The following NRXN1 variants were observed in gnomAD, a reference collection of about 807,000 sequenced individuals.
The protein encoded by NRXN1 is neurexin-1.
Under a neutral mutation model 150.9 loss-of-function variants are expected in NRXN1, and 39 were observed. That is an observed-to-expected ratio of 0.26 (90% CI 0.20 to 0.34). The LOEUF (loss-of-function observed/expected upper bound fraction) is 0.34. NRXN1 is among the 10% of genes least tolerant of loss of function. NRXN1 has a pLI of 1.00. For synonymous variants in NRXN1, 924 were observed against 757.0 expected, an observed-to-expected ratio of 1.22 and a Z score of -3.62; for missense variants, 1,815 against 1,949.9, an observed-to-expected ratio of 0.93 and a Z score of 1.30.
chr2:50,795,047 A>C (rs1255175944), intron 5 of NRXN1, among the ~76,000 whole-genome samples: 2 of 152,120 alleles, frequency 1.3e-5, no homozygotes, highest in Non-Finnish European at 2.9e-5. Context: ...ATCTCTGTGC[A>C]TTACTATCAA....
rs1670727655 is a variant in NRXN1, at chr2:51,027,570, G to A, written c.704C>T (p.Ser235Phe). 1 of 1,603,106 alleles carries A rather than the reference G, an allele frequency of 6.2e-7. No individual in the cohort carries two copies. The highest frequency in any genetic ancestry group is 8.5e-7 in the Non-Finnish European group (1 of 1,172,740). Reference sequence around the variant, plus strand: ...GCACACGGCCTGGTCGTCCACCACGGAGCACACACCTCCGTTGAGGCACAC... The same window carrying A: ...GCACACGGCCTGGTCGTCCACCACGAAGCACACACCTCCGTTGAGGCACAC... The part of the protein sequence containing the change: ...GGVCLNGGVC[S>F]VVDDQAVCDC... Residue 235 changes from serine to phenylalanine, a missense_variant, in exon 2 of 23, where the codon TCC (serine) becomes TTC (phenylalanine). Transcript: ENST00000401669.
chr2:50,861,758 G>C (rs1431997260), intron 5 of NRXN1, among the ~76,000 whole-genome samples: 1 of 151,988 alleles, frequency 6.6e-6, no homozygotes, highest in Non-Finnish European at 1.5e-5. Flanking sequence ...ATCTTGAGCT[G>C]ATATTTTTTT....
intron 5 of NRXN1, among the ~76,000 whole-genome samples, chr2:50,893,355 C>T (rs1182704837): frequency 3.9e-5 from 6 of 152,142 alleles, no homozygotes; most frequent in African/African-American, 1.2e-4. Flanking sequence ...ATATATCCTA[C>T]TTAAATGTTA....
intron 21 of NRXN1, among the ~76,000 whole-genome samples, chr2:50,010,539 C>T (rs1685483642): frequency 6.6e-6 from 1 of 152,112 alleles, no homozygotes; most frequent in Non-Finnish European, 1.5e-5. Context: ...CTTCTTCTGA[C>T]CAATGAGCTG....
At chr2:50,648,810 C>A (rs546620384) in intron 5 of NRXN1, among the ~76,000 whole-genome samples, 1 of 151,160 alleles carries the variant, frequency 6.6e-6, no homozygotes, top group Non-Finnish European at 1.5e-5. Context: ...AACTGCGAAG[C>A]CAAGGACTTG....
At chr2:50,414,799 G>T (rs1341946086) in intron 17 of NRXN1, among the ~76,000 whole-genome samples, 1 of 152,016 alleles carries the variant, frequency 6.6e-6, no homozygotes, top group African/African-American at 2.4e-5. Context: ...ATTTTAAAGT[G>T]CATCAATTTT....
At chr2:49,987,983 A>G (rs758413355) in intron 21 of NRXN1, among the ~76,000 whole-genome samples, 2 of 152,108 alleles carry the variant, frequency 1.3e-5, no homozygotes, top group Non-Finnish European at 2.9e-5. Flanking sequence ...ATAGTTTCCT[A>G]TGTCTATGAG....
chr2:50,091,527 T>A (rs1226282256), intron 18 of NRXN1, 33 bp from the exon 19 acceptor site: 1 of 1,602,716 alleles, frequency 6.2e-7, no homozygotes, highest in Non-Finnish European at 8.5e-7. Flanking sequence ...AGAGTTGAAT[T>A]AAGTTGACTA....
rs17039741 is a variant in NRXN1, at chr2:50,062,773, T to C, written c.3719-7729A>G. ...TATAGTTTTTCTCCTTTCATTTTAG[T>C]TCTTCACTCTTGTGTAATTTCTCCT... On this transcript the variant is annotated intron_variant, in intron 19 of 22. Transcript: ENST00000401669. Among the ~76,000 whole-genome samples the C allele has an allele frequency of 4.3e-3, 656 of 152,296 alleles. 4 individuals are homozygous for C. The highest frequency in any genetic ancestry group is 0.015 in the African/African-American group (605 of 41,566).
chr2:50,445,432 GA>G (rs1365783301), intron 17 of NRXN1, among the ~76,000 whole-genome samples: 1 of 152,090 alleles, frequency 6.6e-6, no homozygotes, highest in Non-Finnish European at 1.5e-5. Flanking sequence ...TGCAGTCAAA[GA>G]AAAACAATTT....
chr2:49,936,817 T>TACACAC (rs58323578), intron 22 of NRXN1, among the ~76,000 whole-genome samples: 2 of 148,498 alleles, frequency 1.3e-5, no homozygotes, highest in Admixed American at 6.7e-5. Flanking sequence ...AAAACATATG[T>TACACAC]ACACACACAC....
At chr2:50,335,860 T>A (rs1029463305) in intron 17 of NRXN1, among the ~76,000 whole-genome samples, 1 of 151,166 alleles carries the variant, frequency 6.6e-6, no homozygotes, top group African/African-American at 2.4e-5. Context: ...CTCAGAGGAG[T>A]CTACCTTATA....
chr2:50,463,196 C>T (rs1274615200), intron 17 of NRXN1, among the ~76,000 whole-genome samples: 3 of 151,800 alleles, frequency 2.0e-5, no homozygotes, highest in South Asian at 2.1e-4. Flanking sequence ...GATGTACAGA[C>T]AAGATTTATT....
intron 18 of NRXN1, among the ~76,000 whole-genome samples, chr2:50,110,145 G>C (rs1222288773): frequency 4.6e-5 from 7 of 152,106 alleles, no homozygotes; most frequent in African/African-American, 7.2e-5. Context: ...ACAGGGAAAA[G>C]CAATAGCCAT....
intron 10 of NRXN1, among the ~76,000 whole-genome samples, chr2:50,533,044 G>C (rs560865100): frequency 1.3e-5 from 2 of 152,172 alleles, no homozygotes; most frequent in African/African-American, 4.8e-5. Context: ...TTGTGGTTTT[G>C]TAAGTTTATT....
At chr2:50,105,376 T>G (rs1701496582) in intron 18 of NRXN1, 1 of 151,976 alleles carries the variant, frequency 6.6e-6, no homozygotes, top group South Asian at 2.1e-4. Flanking sequence ...TAGGTTTAAT[T>G]GAGATTCTGG....
intron 17 of NRXN1, among the ~76,000 whole-genome samples, chr2:50,352,362 C>G (rs1326127409): frequency 6.6e-6 from 1 of 152,064 alleles, no homozygotes; most frequent in African/African-American, 2.4e-5. Context: ...CAGGCAGACA[C>G]TTTCATTCTT....
At chr2:50,893,181 T>G (rs1249949623) in intron 5 of NRXN1, among the ~76,000 whole-genome samples, 1 of 152,140 alleles carries the variant, frequency 6.6e-6, no homozygotes, top group Non-Finnish European at 1.5e-5. Context: ...CCTAAGTGCA[T>G]CTGAGCATTT....
At chr2:50,614,732 T>C (rs1678780021) in intron 8 of NRXN1, among the ~76,000 whole-genome samples, 1 of 28,308 alleles carries the variant, frequency 3.5e-5, no homozygotes, top group Non-Finnish European at 7.4e-5. Context: ...TATCAGCCAT[T>C]CAAAAAAAAA....
Sources: gnomAD v4.1 joint callset for allele counts (sites outside exome capture counted in the v4.1 genomes callset) on GRCh38, gnomAD v4.1.1 for gene constraint, MANE v1.5 for transcripts, NCBI Gene and HGNC (gene_info 2026-07-23, HGNC 2026-07-21) for gene names.